The following COL13A1 variants were observed in gnomAD, a reference collection of about 807,000 sequenced individuals.
COL13A1 encodes collagen alpha-1(XIII) chain.
Under a neutral mutation model 130.9 loss-of-function variants are expected in COL13A1, and 89 were observed. The observed-to-expected ratio is 0.68, with a 90% CI of 0.57 to 0.81. COL13A1 has a LOEUF of 0.81. Ranked by LOEUF, COL13A1 falls within the 30% of genes least tolerant of loss-of-function variation. The probability of loss-of-function intolerance (pLI) is 0.00; values close to 1 mark genes in which losing one functional copy is unlikely to be tolerated. For synonymous variants in COL13A1, 402 were observed against 341.6 expected (o/e 1.18, Z -1.95); for missense variants, 879 against 934.6 (o/e 0.94, Z 0.78).
At chr10:69,825,434 A>G (rs1847240056) in intron 2 of COL13A1, among the ~76,000 whole-genome samples, 2 of 152,210 alleles carry the variant, frequency 1.3e-5, no homozygotes, top group South Asian at 4.1e-4. Context: ...TACCCCATAC[A>G]TAGTAGATGC....
At chr10:69,910,761 C>T (rs994584599) in intron 17 of COL13A1, among the ~76,000 whole-genome samples, 1 of 152,240 alleles carries the variant, frequency 6.6e-6, no homozygotes, top group African/African-American at 2.4e-5. Context: ...AACATTACAA[C>T]CTTGGCTCTC....
At chr10:69,851,943 C>A (rs1365509091) in intron 2 of COL13A1, among the ~76,000 whole-genome samples, 1 of 152,228 alleles carries the variant, frequency 6.6e-6, no homozygotes, top group Non-Finnish European at 1.5e-5. Flanking sequence ...GTGTGAGCCA[C>A]CGCTCCTGGC....
rs1396694080 is a variant in COL13A1 at position 69,802,450 on chromosome 10, G to A, written c.27G>A (p.Ala9=). MVAERTHK[A]AATGARGPGE... ...TGGTAGCGGAGCGCACCCACAAAGCGGCAGCCACCGGTGCCCGCGGCCCTG... is the reference window on the plus strand; with the variant it reads ...TGGTAGCGGAGCGCACCCACAAAGCAGCAGCCACCGGTGCCCGCGGCCCTG... The change falls in exon 1 of 41, where the codon GCG becomes GCA. Residue 9 remains alanine, a synonymous_variant. Transcript: ENST00000645393. 6.7e-7 allele frequency: 1 copy of A among 1,503,594 alleles called. No homozygotes were observed. Among genetic ancestry groups the A allele is most frequent in the Admixed American group, 2.5e-5 (1 of 40,370 alleles). 93.1% of individuals were successfully genotyped at this position (1,503,594 alleles called of 1,614,324 possible).
At chr10:69,939,179 G>C (rs972987471) in intron 34 of COL13A1, among the ~76,000 whole-genome samples, 2 of 152,174 alleles carry the variant, frequency 1.3e-5, no homozygotes, top group Non-Finnish European at 2.9e-5. Context: ...AAACCTGAGG[G>C]AGACACTAGG....
chr10:69,897,713 G>A (rs952521710), intron 13 of COL13A1, among the ~76,000 whole-genome samples: 4 of 152,186 alleles, frequency 2.6e-5, no homozygotes, highest in Non-Finnish European at 5.9e-5. Context: ...CCCATCCCCA[G>A]CTGGGCGCAT....
chr10:69,844,869 C>T (rs1299981234), intron 2 of COL13A1, among the ~76,000 whole-genome samples: 1 of 152,236 alleles, frequency 6.6e-6, no homozygotes, highest in African/African-American at 2.4e-5. Context: ...TGGGATTGAG[C>T]TTTGCTCCTG....
intron 1 of COL13A1, among the ~76,000 whole-genome samples, chr10:69,809,383 TTA>T (rs1842388769): frequency 6.6e-6 from 1 of 152,264 alleles, no homozygotes; most frequent in Non-Finnish European, 1.5e-5. Context: ...GAGCTTACAC[TTA>T]CACTGTGTAC....
chr10:69,917,371 G>T (rs767111778), intron 18 of COL13A1, 38 bp downstream of exon 18: 1 of 1,583,486 alleles, frequency 6.3e-7, no homozygotes, highest in Non-Finnish European at 8.6e-7. Context: ...CAGCCCCAAG[G>T]CCCCTCCCCC....
intron 3 of COL13A1, among the ~76,000 whole-genome samples, chr10:69,868,233 G>A (rs1207969574): frequency 1.3e-5 from 2 of 152,084 alleles, no homozygotes. Flanking sequence ...TGCAAGCATG[G>A]TCTGCTCCAG....
chr10:69,818,025 A>C (rs1449776023), intron 1 of COL13A1, among the ~76,000 whole-genome samples: 6 of 152,038 alleles, frequency 3.9e-5, no homozygotes, highest in Non-Finnish European at 8.8e-5. Context: ...AGATGCCTCC[A>C]TCCCCTCCAA....
At chr10:69,906,744 T>C (rs1049040921) in intron 17 of COL13A1, among the ~76,000 whole-genome samples, 2 of 152,070 alleles carry the variant, frequency 1.3e-5, no homozygotes, top group Admixed American at 6.5e-5. Context: ...TGTTTTTGTT[T>C]TTTTTGAGAC....
At chr10:69,863,455 G>A (rs1055197784) in intron 2 of COL13A1, among the ~76,000 whole-genome samples, 5 of 152,290 alleles carry the variant, frequency 3.3e-5, no homozygotes, top group Admixed American at 3.3e-4. Flanking sequence ...CAGGCACCAG[G>A]AGGCATGGGT....
chr10:69,812,974 T>G (rs78108991), intron 1 of COL13A1, among the ~76,000 whole-genome samples: 7,148 of 152,294 alleles, frequency 0.047, 278 homozygotes, highest in East Asian at 0.16. Context: ...TGGCCACAGC[T>G]CTGATGACAA....
chr10:69,886,680 C>T (rs982413496), intron 7 of COL13A1, among the ~76,000 whole-genome samples: 3 of 152,190 alleles, frequency 2.0e-5, no homozygotes, highest in African/African-American at 7.2e-5. Flanking sequence ...CTCCATCACC[C>T]CTGACCACCT....
At chr10:69,841,438 A>T (rs1220542656) in intron 2 of COL13A1, among the ~76,000 whole-genome samples, 1 of 152,204 alleles carries the variant, frequency 6.6e-6, no homozygotes, top group African/African-American at 2.4e-5. Flanking sequence ...GGCACGGAAT[A>T]AATGCTCTTC....
intron 12 of COL13A1, 51 bp from the exon 13 acceptor site, chr10:69,895,499 G>C (rs1273901486): frequency 1.2e-6 from 2 of 1,604,778 alleles, no homozygotes; most frequent in African/African-American, 2.7e-5. Flanking sequence ...TGAGAAACAG[G>C]TACCCCCAAC....
chr10:69,827,322 G>A (rs536149621), intron 2 of COL13A1, among the ~76,000 whole-genome samples: 1 of 152,342 alleles, frequency 6.6e-6, no homozygotes, highest in African/African-American at 2.4e-5. Context: ...ATTTCATCCA[G>A]AGGGTGATTG....
intron 19 of COL13A1, 80 bp downstream of exon 19, chr10:69,918,397 A>AGTG: frequency 1.4e-6 from 2 of 1,442,856 alleles, no homozygotes; most frequent in Non-Finnish European, 1.9e-6. Flanking sequence ...TCTTAGACTC[A>AGTG]GTGGGGTGGC....
chr10:69,931,736 C>T (rs2066149664), intron 30 of COL13A1, among the ~76,000 whole-genome samples: 1 of 152,228 alleles, frequency 6.6e-6, no homozygotes, highest in South Asian at 2.1e-4. Context: ...GTTGACCCCT[C>T]AGAGCCTCTG....
Sources: allele counts gnomAD v4.1 joint callset (sites outside exome capture counted in the v4.1 genomes callset), GRCh38; gene constraint gnomAD v4.1.1; transcripts MANE v1.5; gene names NCBI Gene and HGNC (gene_info 2026-07-23, HGNC 2026-07-21).